The following CSMD1 variants were observed in gnomAD, a reference collection of about 807,000 sequenced individuals.
CSMD1 encodes the protein CUB and sushi domain-containing protein 1.
A neutral mutation model predicts 417.5 loss-of-function variants in CSMD1; 213 were observed. The ratio of observed to expected loss-of-function variants is 0.51; its 90% CI spans 0.46 to 0.57. The LOEUF is 0.57. Ranked by LOEUF, CSMD1 falls within the 20% of genes least tolerant of loss-of-function variation. The pLI is 0.00. For synonymous variants in CSMD1, 2,862 were observed against 1,736.8 expected, an observed-to-expected ratio of 1.65 and a Z score of -16.11; for missense variants, 6,923 against 4,529.7, an observed-to-expected ratio of 1.53 and a Z score of -15.17.
chr8:4,650,596 G>C (rs140211864), intron 1 of CSMD1, among the ~76,000 whole-genome samples: 40 of 151,794 alleles, frequency 2.6e-4, no homozygotes, highest in Admixed American at 5.9e-4. Context: ...ATTCGGATTT[G>C]CTATACAAAG....
intron 22 of CSMD1, among the ~76,000 whole-genome samples, chr8:3,347,088 A>G (rs956171069): frequency 6.6e-6 from 1 of 152,238 alleles, no homozygotes; most frequent in Non-Finnish European, 1.5e-5. Context: ...TAAAAAAATC[A>G]CAGAACATCT....
intron 3 of CSMD1, among the ~76,000 whole-genome samples, chr8:4,299,873 C>T (rs1797887639): frequency 1.3e-5 from 2 of 152,144 alleles, no homozygotes; most frequent in South Asian, 4.1e-4. Flanking sequence ...TCATGATCTG[C>T]CCACCTCAGC....
intron 50 of CSMD1, among the ~76,000 whole-genome samples, chr8:3,039,267 T>C (rs1810905047): frequency 7.5e-6 from 1 of 133,134 alleles, no homozygotes; most frequent in South Asian, 2.5e-4. Context: ...AAACCATTTC[T>C]TGACCCTTCC....
At chr8:3,893,363 T>TATATATATATATATATA (rs1563185043) in intron 5 of CSMD1, among the ~76,000 whole-genome samples, 1 of 28,820 alleles carries the variant, frequency 3.5e-5, no homozygotes, top group African/African-American at 7.7e-5. Context: ...ATATATATAT[T>TATATATATATATATATA]ATTTTTTTTC....
intron 29 of CSMD1, 61 bp downstream of exon 29, chr8:3,219,194 C>G: frequency 7.3e-7 from 1 of 1,370,442 alleles, no homozygotes; most frequent in South Asian, 1.3e-5. Flanking sequence ...AAAGCAATGC[C>G]TACAATAAAA....
At chr8:4,821,313 A>T (rs1207781210) in intron 1 of CSMD1, among the ~76,000 whole-genome samples, 1 of 152,190 alleles carries the variant, frequency 6.6e-6, no homozygotes, top group African/African-American at 2.4e-5. Context: ...AATCCAATCC[A>T]TTTAAGAATC....
intron 1 of CSMD1, among the ~76,000 whole-genome samples, chr8:4,859,052 T>G (rs959747370): frequency 6.6e-6 from 1 of 151,762 alleles, no homozygotes; most frequent in Non-Finnish European, 1.5e-5. Context: ...AGCATGGTAC[T>G]GGTACCAAAA....
intron 5 of CSMD1, among the ~76,000 whole-genome samples, chr8:3,796,697 G>T (rs1405244106): frequency 6.6e-6 from 1 of 150,524 alleles, no homozygotes; most frequent in Non-Finnish European, 1.5e-5. Context: ...GGTTAGAAAA[G>T]ATGAGAATGG....
intron 3 of CSMD1, among the ~76,000 whole-genome samples, chr8:4,411,324 T>G (rs935524624): frequency 6.6e-5 from 10 of 152,164 alleles, no homozygotes; most frequent in Admixed American, 3.9e-4. Context: ...TAACTATTTC[T>G]GTGAGTGGAT....
intron 3 of CSMD1, among the ~76,000 whole-genome samples, chr8:4,288,414 T>A (rs1333092430): frequency 6.6e-6 from 1 of 152,184 alleles, no homozygotes; most frequent in African/African-American, 2.4e-5. Flanking sequence ...TCAGGCTTGT[T>A]CACACAAACT....
intron 1 of CSMD1, among the ~76,000 whole-genome samples, chr8:4,949,753 C>A (rs1808612043): frequency 6.6e-6 from 1 of 151,978 alleles, no homozygotes; most frequent in Non-Finnish European, 1.5e-5. Context: ...TTTATCTTTT[C>A]AAAAAAATTG....
chr8:4,600,133 T>C (rs779249685), intron 2 of CSMD1, among the ~76,000 whole-genome samples: 2 of 152,188 alleles, frequency 1.3e-5, no homozygotes, highest in East Asian at 1.9e-4. Context: ...TCAGCACTTA[T>C]TGCCTAGCTG....
At chr8:3,433,470 T>G (rs1427401833) in intron 12 of CSMD1, among the ~76,000 whole-genome samples, 1 of 152,202 alleles carries the variant, frequency 6.6e-6, no homozygotes, top group Admixed American at 6.5e-5. Flanking sequence ...GTGGTTGGTG[T>G]TGTGTGGTGT....
chr8:4,406,159 A>T (rs1805003696), intron 3 of CSMD1, among the ~76,000 whole-genome samples: 1 of 152,220 alleles, frequency 6.6e-6, no homozygotes, highest in East Asian at 1.9e-4. Context: ...TGCACACATT[A>T]GAATTTAGAT....
rs1222540857 is a variant in CSMD1 at position 3,671,797 on chromosome 8, G to C, written c.1009+36617C>G. ...TGTTAAATTGGAAAGAGCAGCCCTG[G>C]GCTTGGAGCCTAGAACTTCAGTTCT... On this transcript the variant is annotated intron_variant, in intron 7 of 69. Coordinates refer to ENST00000635120, the MANE Select transcript of CSMD1 (RefSeq NM_033225.6). Among the ~76,000 whole-genome samples the C allele has an allele frequency of 2.0e-5, 3 of 151,772 alleles. No individual in the cohort carries two copies. In the East Asian group the frequency reaches 5.9e-4, roughly 30 times the overall value.
chr8:3,388,607 A>G (rs1811153492), intron 17 of CSMD1, among the ~76,000 whole-genome samples: 1 of 152,204 alleles, frequency 6.6e-6, no homozygotes, highest in Non-Finnish European at 1.5e-5. Flanking sequence ...TGATCATTGC[A>G]TATGTTTTAT....
intron 7 of CSMD1, among the ~76,000 whole-genome samples, chr8:3,677,745 C>A (rs1185136056): frequency 6.6e-6 from 1 of 152,166 alleles, no homozygotes; most frequent in African/African-American, 2.4e-5. Flanking sequence ...AAGCCCTAAA[C>A]TTTGTAAAAC....
At chr8:3,456,037 C>T (rs573276945) in intron 12 of CSMD1, among the ~76,000 whole-genome samples, 1 of 152,320 alleles carries the variant, frequency 6.6e-6, no homozygotes, top group Non-Finnish European at 1.5e-5. Flanking sequence ...AGCCTCGCCG[C>T]CGCCTTGCTA....
At chr8:4,323,375 A>G (rs2128885583) in intron 3 of CSMD1, among the ~76,000 whole-genome samples, 1 of 152,286 alleles carries the variant, frequency 6.6e-6, no homozygotes, top group African/African-American at 2.4e-5. Flanking sequence ...TCTTTCCTGT[A>G]CAGCATGGCC....
Sources: gnomAD v4.1 joint callset for allele counts (sites outside exome capture counted in the v4.1 genomes callset) on GRCh38, gnomAD v4.1.1 for gene constraint, MANE v1.5 for transcripts, NCBI Gene and HGNC (gene_info 2026-07-23, HGNC 2026-07-21) for gene names.